Variants in ATP6V0A1 observed in about 807,000 individuals in gnomAD.
The protein encoded by ATP6V0A1 is V-type proton ATPase 116 kDa subunit a 1.
ATP6V0A1 carries 43 observed loss-of-function variants against 105.4 expected under a neutral mutation model. That is an observed-to-expected ratio of 0.41 (90% CI 0.32 to 0.53). The LOEUF (loss-of-function observed/expected upper bound fraction) is 0.53. Ranked by LOEUF, ATP6V0A1 falls within the 20% of genes least tolerant of loss-of-function variation. ATP6V0A1 has a pLI of 0.30. For synonymous variants in ATP6V0A1, 362 were observed against 372.8 expected (o/e 0.97, Z 0.33); for missense variants, 676 against 1,051.1 (o/e 0.64, Z 4.93).
intron 8 of ATP6V0A1, 66 bp downstream of exon 8, chr17:42,480,815 C>A: frequency 7.0e-7 from 1 of 1,435,608 alleles, no homozygotes; most frequent in Non-Finnish European, 9.6e-7. Context: ...TCTTAAAGTT[C>A]ACAATAGTGA....
intron 4 of ATP6V0A1, among the ~76,000 whole-genome samples, chr17:42,469,323 C>CTTTT (rs58501978): frequency 7.8e-5 from 8 of 102,322 alleles, no homozygotes; most frequent in Non-Finnish European, 1.4e-4. Context: ...AAAGGAAAGA[C>CTTTT]TTTTTTTTTT....
At chr17:42,491,239 A>G (rs1197390373) in intron 11 of ATP6V0A1, among the ~76,000 whole-genome samples, 1 of 151,982 alleles carries the variant, frequency 6.6e-6, no homozygotes, top group Non-Finnish European at 1.5e-5. Flanking sequence ...CTAATGCCTC[A>G]CTTTAAATGC....
rs2090955606 is a variant in ATP6V0A1, at chr17:42,494,334, C to T, written c.1175C>T (p.Ala392Val). 1 of 1,611,126 alleles carries T rather than the reference C, an allele frequency of 6.2e-7. No homozygotes were observed. Among genetic ancestry groups the T allele is most frequent in the Admixed American group, 1.7e-5 (1 of 59,668 alleles). ...TTTTCTTTTTTTGGTTTCTTCATAG[C>T]TCCGTATACTATTATCACGTTCCCT... ...GIGTYREINP[A>V]PYTIITFPFL... The change falls in exon 12 of 22, where the codon GCT (alanine) becomes GTT (valine). Residue 392 changes from alanine to valine, a missense_variant and splice_region_variant. Ala to Val is a moderately conservative substitution (Grantham distance 64, BLOSUM62 0). Transcript: ENST00000343619.
intron 17 of ATP6V0A1, among the ~76,000 whole-genome samples, chr17:42,504,275 GT>G (rs2091879382): frequency 6.6e-6 from 1 of 152,204 alleles, no homozygotes; most frequent in Non-Finnish European, 1.5e-5. Context: ...ATATATCACA[GT>G]TTAATTTTTC....
chr17:42,494,526 A>G, intron 12 of ATP6V0A1, 53 bp downstream of exon 12: 1 of 1,538,330 alleles, frequency 6.5e-7, no homozygotes, highest in Non-Finnish European at 8.8e-7. Flanking sequence ...TTTCCCAAGC[A>G]TTCATTATGA....
intron 11 of ATP6V0A1, among the ~76,000 whole-genome samples, chr17:42,490,912 T>C (rs2090562001): frequency 6.6e-6 from 1 of 152,142 alleles, no homozygotes; most frequent in Non-Finnish European, 1.5e-5. Flanking sequence ...TAGGCTGTAG[T>C]GCAATGGTGA....
intron 9 of ATP6V0A1, among the ~76,000 whole-genome samples, chr17:42,483,891 T>C (rs1322133650): frequency 2.0e-5 from 3 of 152,108 alleles, no homozygotes; most frequent in Non-Finnish European, 2.9e-5. Flanking sequence ...CTAATTTTTG[T>C]ATTTTTAGTA....
At chr17:42,489,523 A>C (rs1350897046) in intron 10 of ATP6V0A1, among the ~76,000 whole-genome samples, 1 of 152,144 alleles carries the variant, frequency 6.6e-6, no homozygotes, top group Non-Finnish European at 1.5e-5. Flanking sequence ...AGGACTTGAC[A>C]ATGGGAAAAA....
chr17:42,505,280 A>G (rs546565866), intron 17 of ATP6V0A1, among the ~76,000 whole-genome samples: 1 of 152,304 alleles, frequency 6.6e-6, no homozygotes, highest in East Asian at 1.9e-4. Context: ...ATCTTGGCTC[A>G]CTACAACCTC....
intron 1 of ATP6V0A1, 87 bp from the exon 2 acceptor site, chr17:42,460,761 T>G: frequency 4.3e-6 from 3 of 695,070 alleles, no homozygotes; most frequent in Non-Finnish European, 5.1e-6. Flanking sequence ...GTGTTAGAAA[T>G]GTAAATGCAA....
Position 42,494,477 on chromosome 17 carries a change from A to G in ATP6V0A1, c.1314+4A>G, listed in dbSNP as rs774528180. The G allele has an allele frequency of 8.1e-6, 13 of 1,609,532 alleles. No individual in the cohort carries two copies. The highest frequency in any genetic ancestry group is 1.0e-5 in the Non-Finnish European group (12 of 1,178,194). The stretch of plus-strand genomic sequence containing the variant: ...TTCCCAGAAGAATGAGAATGAGGTA[A>G]TGTTTAAGTTACATCTGCATTGAAC... On this transcript the variant is annotated splice_donor_region_variant and intron_variant, in intron 12 of 21. Coordinates refer to ENST00000343619, the MANE Select transcript of ATP6V0A1 (RefSeq NM_001130021.3).
chr17:42,476,650 G>A (rs1032996924), intron 5 of ATP6V0A1, among the ~76,000 whole-genome samples: 8 of 152,084 alleles, frequency 5.3e-5, no homozygotes, highest in East Asian at 1.9e-4. Context: ...GGAGTAAAGG[G>A]TGGTAGGATG....
At position 42,495,089 on chromosome 17, in the gene ATP6V0A1, C is replaced by G. The variant is rs2091030353; in HGVS notation, c.1370C>G (p.Ser457Cys). 2 of 1,613,850 alleles carry G rather than the reference C, an allele frequency of 1.2e-6. No homozygotes were observed. Among genetic ancestry groups the G allele is most frequent in the African/African-American group, 1.3e-5 (1 of 74,920 alleles). Reference protein sequence around the residue: ...RYIILLMGVFSMYTGLIYNDC... With the variant: ...RYIILLMGVFCMYTGLIYNDC... ...ATTATTTTATTGATGGGTGTGTTCT[C>G]CATGTACACTGGCCTCATCTACAAT... Residue 457 changes from serine to cysteine, a missense_variant, in exon 13 of 22, where the codon TCC (serine) becomes TGC (cysteine). Transcript: ENST00000343619.
intron 14 of ATP6V0A1, among the ~76,000 whole-genome samples, chr17:42,498,114 G>C (rs2091355605): frequency 6.6e-6 from 1 of 152,116 alleles, no homozygotes; most frequent in Admixed American, 6.6e-5. Context: ...GCTGGGCATC[G>C]TGGCCTGTGC....
chr17:42,500,176 C>T (rs1038980448), intron 15 of ATP6V0A1, among the ~76,000 whole-genome samples: 6 of 151,846 alleles, frequency 4.0e-5, no homozygotes, highest in South Asian at 2.1e-4. Context: ...GTATTGGAGC[C>T]GTTCAAGGTT....
At chr17:42,480,452 CAAAT>C in intron 7 of ATP6V0A1, 2 of 433,090 alleles carry the variant, frequency 4.6e-6, no homozygotes, top group South Asian at 6.9e-5. Flanking sequence ...GTCAAAAAAA[CAAAT>C]AGAGAAAGAT....
intron 3 of ATP6V0A1, 76 bp downstream of exon 3, chr17:42,466,583 A>G (rs2087093787): frequency 1.6e-6 from 2 of 1,216,194 alleles, no homozygotes; most frequent in Non-Finnish European, 2.4e-6. Flanking sequence ...AGTCCTCTTA[A>G]TAGAGGAAGA....
intron 17 of ATP6V0A1, among the ~76,000 whole-genome samples, chr17:42,502,421 AT>A (rs982701162): frequency 6.6e-6 from 1 of 151,804 alleles, no homozygotes; most frequent in Non-Finnish European, 1.5e-5. Flanking sequence ...AAGCACGTTG[AT>A]TTTTTTTCTT....
At chr17:42,497,937 A>G (rs2091335046) in intron 14 of ATP6V0A1, among the ~76,000 whole-genome samples, 1 of 149,904 alleles carries the variant, frequency 6.7e-6, no homozygotes, top group Non-Finnish European at 1.5e-5. Context: ...ATCTCAAAAA[A>G]AAAAGAAAAA....
Sources: gnomAD v4.1 joint callset for allele counts (sites outside exome capture counted in the v4.1 genomes callset) on GRCh38, gnomAD v4.1.1 for gene constraint, MANE v1.5 for transcripts, NCBI Gene and HGNC (gene_info 2026-07-23, HGNC 2026-07-21) for gene names.